ENTREP1: variants seen among roughly 807,000 people sequenced by gnomAD.
ENTREP1 encodes Friedreich ataxia region gene X123.
At chr9:69,339,044 G>A in the ENTREP1 span, among the ~76,000 whole-genome samples, 1 of 151,896 alleles carries the variant, frequency 6.6e-6, no homozygotes, top group South Asian at 2.1e-4. Context: ...TTTTGAGAGA[G>A]GGTCTTTCTC....
chr9:69,376,311 C>G, the ENTREP1 span, among the ~76,000 whole-genome samples: 5 of 152,188 alleles, frequency 3.3e-5, no homozygotes, highest in Non-Finnish European at 7.3e-5. Context: ...TACTACCAGT[C>G]TGCAACACGT....
the ENTREP1 span, among the ~76,000 whole-genome samples, chr9:69,363,557 A>G: frequency 6.6e-6 from 1 of 152,164 alleles, no homozygotes; most frequent in African/African-American, 2.4e-5. Context: ...AACCTTTTCT[A>G]AGCCTGCAGG....
chr9:69,371,030 GA>G, the ENTREP1 span, among the ~76,000 whole-genome samples: 1 of 151,978 alleles, frequency 6.6e-6, no homozygotes, highest in Non-Finnish European at 1.5e-5. Context: ...GTTCAGAACT[GA>G]AAAAAAGACC....
At chr9:69,367,614 T>TAC in the ENTREP1 span, among the ~76,000 whole-genome samples, 9 of 142,716 alleles carry the variant, frequency 6.3e-5, no homozygotes, top group East Asian at 4.0e-4. Context: ...TATATATATA[T>TAC]ACACACATAT....
chr9:69,387,827 C>A, the ENTREP1 span: 1 of 1,165,844 alleles, frequency 8.6e-7, no homozygotes, highest in Non-Finnish European at 1.1e-6. Flanking sequence ...CTTGGCCCAT[C>A]CATCCCCATC....
chr9:69,389,539 G>A, the ENTREP1 span, among the ~76,000 whole-genome samples: 1 of 152,176 alleles, frequency 6.6e-6, no homozygotes, highest in Non-Finnish European at 1.5e-5. Flanking sequence ...AGAGTGATCA[G>A]TTGACGGTTC....
At chr9:69,391,760 C>T in the ENTREP1 span, 8 of 1,612,844 alleles carry the variant, frequency 5.0e-6, no homozygotes, top group Admixed American at 3.3e-5. Context: ...GGAGGCTGAG[C>T]GGCCACACAG....
chr9:69,347,371 C>T, the ENTREP1 span, among the ~76,000 whole-genome samples: 3 of 152,308 alleles, frequency 2.0e-5, no homozygotes, highest in East Asian at 1.9e-4. Context: ...TCTCCCTGCC[C>T]GTTACCTTCC....
At chr9:69,337,055 C>T in the ENTREP1 span, among the ~76,000 whole-genome samples, 1 of 133,552 alleles carries the variant, frequency 7.5e-6, no homozygotes, top group Middle Eastern at 4.7e-3. Flanking sequence ...CACCCTGTCG[C>T]CCAGGCTGGA....
chr9:69,351,629 CT>C, the ENTREP1 span, among the ~76,000 whole-genome samples: 1 of 152,248 alleles, frequency 6.6e-6, no homozygotes, highest in South Asian at 2.1e-4. Flanking sequence ...GTTGGCCAGG[CT>C]GGTCTCAAAC....
At chr9:69,386,524 A>C in the ENTREP1 span, 1 of 152,192 alleles carries the variant, frequency 6.6e-6, no homozygotes, top group African/African-American at 2.4e-5. Flanking sequence ...GAATATATGA[A>C]TACCTGAACA....
chr9:69,363,398 T>A, the ENTREP1 span, among the ~76,000 whole-genome samples: 1 of 152,088 alleles, frequency 6.6e-6, no homozygotes, highest in African/African-American at 2.4e-5. Context: ...AGGTTAAATA[T>A]TAATGTAAGG....
At chr9:69,388,352 C>G in the ENTREP1 span, 1 of 1,614,138 alleles carries the variant, frequency 6.2e-7, no homozygotes, top group Non-Finnish European at 8.5e-7. Context: ...TACCATGACC[C>G]CAGACATCCA....
the ENTREP1 span, among the ~76,000 whole-genome samples, chr9:69,374,637 C>T: frequency 1.3e-5 from 2 of 152,044 alleles, no homozygotes; most frequent in African/African-American, 4.8e-5. Context: ...AAGATGGCAT[C>T]ATCATTTTTT....
chr9:69,366,783 A>C, the ENTREP1 span, among the ~76,000 whole-genome samples: 1 of 152,062 alleles, frequency 6.6e-6, no homozygotes, highest in African/African-American at 2.4e-5. Context: ...AGCATCATTT[A>C]TTGAAGAGAG....
At chr9:69,391,728 C>A in the ENTREP1 span, 2 of 1,613,970 alleles carry the variant, frequency 1.2e-6, no homozygotes, top group Non-Finnish European at 1.7e-6. Context: ...AGGCCCCGAG[C>A]CGAGAGGAGG....
chr9:69,369,250 T>C, the ENTREP1 span, among the ~76,000 whole-genome samples: 2 of 152,200 alleles, frequency 1.3e-5, no homozygotes, highest in Admixed American at 1.3e-4. Context: ...TTTGGGTTGG[T>C]TCCAAGTCTT....
At chr9:69,351,111 C>T in the ENTREP1 span, among the ~76,000 whole-genome samples, 1 of 152,128 alleles carries the variant, frequency 6.6e-6, no homozygotes, top group Non-Finnish European at 1.5e-5. Flanking sequence ...TTCTGAAGTT[C>T]CAATTGAACA....
chr9:69,341,451 G>C, the ENTREP1 span, among the ~76,000 whole-genome samples: 1 of 150,770 alleles, frequency 6.6e-6, no homozygotes, highest in African/African-American at 2.5e-5. Context: ...CTCATTACCT[G>C]AAGAGACTAC....
Sources: gnomAD v4.1 joint callset for allele counts (sites outside exome capture counted in the v4.1 genomes callset) on GRCh38, gnomAD v4.1.1 for gene constraint, MANE v1.5 for transcripts, NCBI Gene and HGNC (gene_info 2026-07-23, HGNC 2026-07-21) for gene names.